Variants in CYP2C19 observed in about 807,000 individuals in gnomAD.
CYP2C19 encodes the protein cytochrome P450 family 2 subfamily C member 19, also known as cytochrome P450 2C19.
CYP2C19 carries 59 observed loss-of-function variants against 40.9 expected under a neutral mutation model. That is an observed-to-expected ratio of 1.44 (90% CI 1.17 to 1.79). CYP2C19 has a LOEUF of 1.79. Among genes scored for constraint, CYP2C19 ranks in the 40% most tolerant of loss-of-function variants. The pLI is 0.00. For missense variants in CYP2C19, 754 were observed against 596.9 expected (o/e 1.26, Z -2.74); for synonymous variants, 253 against 208.7 (o/e 1.21, Z -1.83).
chr10:94,827,304 G>T (rs1282420722), intron 6 of CYP2C19, among the ~76,000 whole-genome samples: 1 of 151,900 alleles, frequency 6.6e-6, no homozygotes, highest in East Asian at 1.9e-4. Flanking sequence ...GACTCTTTTT[G>T]GTTGGTAAGC....
intron 7 of CYP2C19, among the ~76,000 whole-genome samples, chr10:94,843,943 TCA>T (rs1307354887): frequency 6.6e-6 from 1 of 152,188 alleles, no homozygotes; most frequent in Non-Finnish European, 1.5e-5. Flanking sequence ...AAGTTTGCCC[TCA>T]CATATATATA....
intron 6 of CYP2C19, among the ~76,000 whole-genome samples, chr10:94,831,112 A>G (rs1288026747): frequency 6.6e-6 from 1 of 152,224 alleles, no homozygotes; most frequent in Non-Finnish European, 1.5e-5. Flanking sequence ...CCCACAAATA[A>G]GTGAGAACAT....
At chr10:94,814,600 G>A (rs1028756603) in intron 5 of CYP2C19, among the ~76,000 whole-genome samples, 1 of 151,896 alleles carries the variant, frequency 6.6e-6, no homozygotes, top group Admixed American at 6.6e-5. Flanking sequence ...TGCCTCAGTG[G>A]CCTAGGTTGT....
At chr10:94,809,383 G>A (rs1848881630) in intron 5 of CYP2C19, among the ~76,000 whole-genome samples, 1 of 152,044 alleles carries the variant, frequency 6.6e-6, no homozygotes, top group South Asian at 2.1e-4. Context: ...CTATCTGTGG[G>A]TTATCTTTTC....
intron 5 of CYP2C19, among the ~76,000 whole-genome samples, chr10:94,804,684 C>T (rs1848810116): frequency 6.6e-6 from 1 of 152,164 alleles, no homozygotes; most frequent in Admixed American, 6.5e-5. Flanking sequence ...TCTGTACTTA[C>T]TTTTATCAGC....
intron 6 of CYP2C19, among the ~76,000 whole-genome samples, chr10:94,828,373 A>G (rs1440879661): frequency 1.3e-5 from 2 of 151,228 alleles, no homozygotes; most frequent in South Asian, 2.1e-4. Flanking sequence ...TATATTTAGC[A>G]TAGTTAGCTC....
At chr10:94,801,019 G>T (rs990156887) in intron 5 of CYP2C19, among the ~76,000 whole-genome samples, 8 of 152,158 alleles carry the variant, frequency 5.3e-5, no homozygotes, top group African/African-American at 1.9e-4. Flanking sequence ...CCCTCCATGG[G>T]CTGCACCCAT....
At position 94,787,869 on chromosome 10, in the gene CYP2C19, C is replaced by T. The variant is rs139523821; in HGVS notation, c.819+5872C>T. Among the ~76,000 whole-genome samples, 989 of 152,040 alleles carry T rather than the reference C, an allele frequency of 6.5e-3. 9 individuals are homozygous for T. The highest frequency in any genetic ancestry group is 0.01 in the South Asian group (50 of 4,816). ...ACTTGGGCTCTTCTTTGGTTTCAAA[C>T]GAATTTTAGAATAGTTTTTCCTTAT... On this transcript the variant is annotated intron_variant, in intron 5 of 8. Transcript: ENST00000371321.
At position 94,811,971 on chromosome 10, in the gene CYP2C19, T is replaced by C. The variant is rs111994775; in HGVS notation, c.820-8525T>C. On this transcript the variant is annotated intron_variant, in intron 5 of 8. Transcript: ENST00000371321. ...TGATGCAGTTTTTTTATAGTGTTGA[T>C]GGTCTTTACAAAATTTAGTATGTTT... Among the ~76,000 whole-genome samples the C allele has an allele frequency of 3.2e-3, 488 of 152,236 alleles. 3 individuals are homozygous for C. The highest frequency in any genetic ancestry group is 0.011 in the African/African-American group (448 of 41,536).
At chr10:94,777,032 G>C (rs973439388) in intron 3 of CYP2C19, among the ~76,000 whole-genome samples, 1 of 152,062 alleles carries the variant, frequency 6.6e-6, no homozygotes, top group African/African-American at 2.4e-5. Context: ...GTCAAATAAT[G>C]AGTGAACTCC....
At chr10:94,849,649 A>T (rs1355239113) in intron 7 of CYP2C19, among the ~76,000 whole-genome samples, 3 of 105,156 alleles carry the variant, frequency 2.9e-5, no homozygotes, top group African/African-American at 1.1e-4. Context: ...ACCCCACAAC[A>T]GTCCCCGAAG....
chr10:94,790,702 A>G (rs192446984), intron 5 of CYP2C19, among the ~76,000 whole-genome samples: 1 of 152,008 alleles, frequency 6.6e-6, no homozygotes, highest in Non-Finnish European at 1.5e-5. Context: ...AGCCAACTTG[A>G]TCGTGGTGGA....
intron 1 of CYP2C19, among the ~76,000 whole-genome samples, chr10:94,763,742 T>C (rs1448542403): frequency 6.6e-6 from 1 of 151,886 alleles, no homozygotes; most frequent in Non-Finnish European, 1.5e-5. Flanking sequence ...GGGAGAGCAG[T>C]GTTTGAAGGC....
At position 94,763,018 on chromosome 10, in the gene CYP2C19, TGTCA is replaced by T. The variant is rs1317987157; in HGVS notation, c.168+148_168+151del. On this transcript the variant is annotated intron_variant, in intron 1 of 8. Transcript: ENST00000371321. ...AAGGCTTTTGTTGCCTTTTCCAGTCTGTCAGTGTCAGAAATAGTGGAATGAAATA... is the reference window on the plus strand; with the variant it reads ...AAGGCTTTTGTTGCCTTTTCCAGTCTGTGTCAGAAATAGTGGAATGAAATA... 1.0e-5 allele frequency: 8 copies of T among 798,980 alleles called. No homozygotes were observed. The East Asian group carries it at 1.9e-4, about 19-fold the overall frequency. 49.5% of individuals were successfully genotyped at this position (798,980 alleles called of 1,614,324 possible). A position where few individuals can be genotyped will look rare whatever the true frequency, so the allele number is the denominator to read the frequency against.
chr10:94,811,779 G>A (rs1016839144), intron 5 of CYP2C19, among the ~76,000 whole-genome samples: 11 of 151,596 alleles, frequency 7.3e-5, no homozygotes, highest in East Asian at 3.9e-4. Flanking sequence ...GTCTTTTCAC[G>A]TGAGATAGGT....
chr10:94,773,483 G>T (rs931113254), intron 1 of CYP2C19, among the ~76,000 whole-genome samples: 4 of 152,122 alleles, frequency 2.6e-5, no homozygotes, highest in Non-Finnish European at 5.9e-5. Context: ...CATTCCTCCT[G>T]GTGGGTTCAT....
intron 6 of CYP2C19, among the ~76,000 whole-genome samples, chr10:94,834,631 G>C (rs548303658): frequency 1.3e-5 from 2 of 151,818 alleles, no homozygotes; most frequent in African/African-American, 2.4e-5. Context: ...GGACCCAAAG[G>C]GGGTTGCCAT....
intron 5 of CYP2C19, among the ~76,000 whole-genome samples, chr10:94,810,805 C>A (rs71482319): frequency 6.6e-6 from 1 of 150,622 alleles, no homozygotes; most frequent in African/African-American, 2.4e-5. Flanking sequence ...TGGCTAGCAG[C>A]CTATTTTGTT....
intron 6 of CYP2C19, among the ~76,000 whole-genome samples, chr10:94,822,369 A>G (rs569027841): frequency 1.3e-5 from 2 of 152,246 alleles, no homozygotes; most frequent in South Asian, 4.1e-4. Context: ...CCCTCCCATG[A>G]CATGTGGGAA....
Sources: gnomAD v4.1 joint callset for allele counts (sites outside exome capture counted in the v4.1 genomes callset) on GRCh38, gnomAD v4.1.1 for gene constraint, MANE v1.5 for transcripts, NCBI Gene and HGNC (gene_info 2026-07-23, HGNC 2026-07-21) for gene names.